The following PHACTR2 variants were observed in gnomAD, a reference collection of about 807,000 sequenced individuals.
The protein encoded by PHACTR2 is chromosome 6 open reading frame 56.
Under a neutral mutation model 76.0 loss-of-function variants are expected in PHACTR2, and 30 were observed. That is an observed-to-expected ratio of 0.39 (90% CI 0.30 to 0.54). The LOEUF (loss-of-function observed/expected upper bound fraction) is 0.54. Among genes scored for constraint, PHACTR2 ranks in the 20% least tolerant of loss-of-function variants. The probability of loss-of-function intolerance (pLI) is 0.61; values close to 1 mark genes in which losing one functional copy is unlikely to be tolerated. For missense variants in PHACTR2, 696 were observed against 781.1 expected (o/e 0.89, Z 1.30); for synonymous variants, 292 against 292.5 (o/e 1.00, Z 0.02).
At chr6:143,797,155 G>C (rs1490604938) in intron 11 of PHACTR2, among the ~76,000 whole-genome samples, 2 of 152,184 alleles carry the variant, frequency 1.3e-5, no homozygotes, top group African/African-American at 4.8e-5. Context: ...TTTCTCTCAT[G>C]ACCAGTGATG....
chr6:143,664,180 C>T lies in PHACTR2; in HGVS notation c.14-47836C>T, dbSNP rs1163604649. Among the ~76,000 whole-genome samples, 1 of 151,770 alleles carries T rather than the reference C, an allele frequency of 6.6e-6. No individual in the cohort carries two copies. On this transcript the variant is annotated intron_variant, in intron 1 of 11. Coordinates refer to the PHACTR2 transcript ENST00000305766. This position sits in a 1 kb window ranked among gnomAD's most constrained non-coding sequence, Gnocchi z 5.1. ...TCCCTCTATACTATTTGTTATTTTA[C>T]CTTCAGTTTTAATTTATCTATTATT...
chr6:143,712,063 G>T lies in PHACTR2; in HGVS notation c.94G>T (p.Ala32Ser). ...TATAGCAAACTCAGATGGCCCCACA[G>T]CAGGTTCCCAAACACCTCCCTTCAA... ...ASIANSDGPTAGSQTPPFKRK... is the reference protein window; with the variant it reads ...ASIANSDGPTSGSQTPPFKRK... Residue 32 changes from alanine to serine, a missense_variant, in exon 2 of 13, where the codon GCA (alanine) becomes TCA (serine). By Grantham distance (99) the Ala-to-Ser change is moderately conservative. Transcript: ENST00000440869. The T allele has an allele frequency of 6.3e-7, 1 of 1,598,546 alleles. No homozygotes were observed. The highest frequency in any genetic ancestry group is 1.7e-4 in the Middle Eastern group (1 of 5,982).
rs1775772576 is a variant in PHACTR2, at chr6:143,597,981, T to C, written c.217+60774T>C. ...ACCTACGGAAGTAGCGGTGGGGGCT[T>C]TGGCTGTTTCTGAGCCTGTTCCTGG... is the stretch of plus-strand genomic sequence containing the variant. On this transcript the variant is annotated intron_variant, in intron 1 of 11. Coordinates refer to the PHACTR2 transcript ENST00000367584. The surrounding 1 kb of genome is among the most constrained non-coding windows in gnomAD (Gnocchi z 5.7). Among the ~76,000 whole-genome samples, 1 of 152,158 alleles carries C rather than the reference T, an allele frequency of 6.6e-6. No homozygotes were observed. The highest frequency in any genetic ancestry group is 1.5e-5 in the Non-Finnish European group (1 of 68,026).
rs1481802441 is a variant in PHACTR2 at position 143,761,615 on chromosome 6, G to T, written c.694+975G>T. Reference sequence around the variant, plus strand: ...CTAAAAATACAAGAATTAGCCAGGCGTCGTGGCGTGCACCTCTAATCCCAG... The same window carrying T: ...CTAAAAATACAAGAATTAGCCAGGCTTCGTGGCGTGCACCTCTAATCCCAG... On this transcript the variant is annotated intron_variant, in intron 5 of 12. Coordinates refer to ENST00000440869, the MANE Select transcript of PHACTR2 (RefSeq NM_001100164.2). The surrounding 1 kb of genome is among the most constrained non-coding windows in gnomAD (Gnocchi z 5.2). 1.3e-5 allele frequency among the ~76,000 whole-genome samples: 2 copies of T among 152,054 alleles called. No homozygotes were observed. The highest frequency in any genetic ancestry group is 6.6e-5 in the Admixed American group (1 of 15,260).
chr6:143,728,394 T>C, intron 2 of PHACTR2, among the ~76,000 whole-genome samples: 1 of 151,704 alleles, frequency 6.6e-6, no homozygotes, highest in African/African-American at 2.4e-5. Context: ...TATATTTTTT[T>C]GTGGAGACAG....
rs919284411 is a variant in PHACTR2, at chr6:143,624,470, T to C, written c.13+16148T>C. On this transcript the variant is annotated intron_variant, in intron 1 of 11. Coordinates refer to the PHACTR2 transcript ENST00000305766. The surrounding 1 kb of genome is among the most constrained non-coding windows in gnomAD (Gnocchi z 4.6). ...GTTACTAATTCATATTCACACAATA[T>C]CACCACAACATGGACATTTCAACTA... Among the ~76,000 whole-genome samples, 1 of 152,222 alleles carries C rather than the reference T, an allele frequency of 6.6e-6. No homozygotes were observed. Among genetic ancestry groups the C allele is most frequent in the African/African-American group, 2.4e-5 (1 of 41,460 alleles).
At chr6:143,769,499 G>A (rs1775040731) in intron 6 of PHACTR2, among the ~76,000 whole-genome samples, 1 of 152,092 alleles carries the variant, frequency 6.6e-6, no homozygotes, top group Admixed American at 6.5e-5. Context: ...GGTAGACCGA[G>A]TCTTCAGTCT....
Position 143,742,956 on chromosome 6 carries a change from A to G in PHACTR2, c.215-6029A>G, listed in dbSNP as rs2128468335. Among the ~76,000 whole-genome samples, 1 of 152,360 alleles carries G rather than the reference A, an allele frequency of 6.6e-6. No homozygotes were observed. The highest frequency in any genetic ancestry group is 2.1e-4 in the South Asian group (1 of 4,834). ...ATTGAATGCTTTCTAGATCCTAGGT[A>G]CTGGTCTCAGTATTTTACTTGGTTT... On this transcript the variant is annotated intron_variant, in intron 2 of 12. Coordinates refer to ENST00000440869, the MANE Select transcript of PHACTR2 (RefSeq NM_001100164.2). The surrounding 1 kb of genome is among the most constrained non-coding windows in gnomAD (Gnocchi z 4.5).
At chr6:143,568,768 T>A (rs1408644798) in intron 1 of PHACTR2, among the ~76,000 whole-genome samples, 2 of 152,232 alleles carry the variant, frequency 1.3e-5, no homozygotes, top group African/African-American at 2.4e-5. Context: ...ACGTCCCTTA[T>A]ACACTGTAGG....
At chr6:143,746,890 C>T (rs1323172205) in intron 2 of PHACTR2, among the ~76,000 whole-genome samples, 1 of 150,712 alleles carries the variant, frequency 6.6e-6, no homozygotes, top group Non-Finnish European at 1.5e-5. Context: ...AAATTACTAA[C>T]CTTTAAGTGA....
In PHACTR2 at chr6:143,652,322, T is replaced by G. The variant is rs191184738; in HGVS notation, c.13+44000T>G. 2.4e-3 allele frequency among the ~76,000 whole-genome samples: 372 copies of G among 152,316 alleles called. 5 individuals are homozygous for G. The highest frequency in any genetic ancestry group is 8.6e-3 in the African/African-American group (357 of 41,560). On this transcript the variant is annotated intron_variant, in intron 1 of 11. Coordinates refer to the PHACTR2 transcript ENST00000305766. The surrounding 1 kb of genome is among the most constrained non-coding windows in gnomAD (Gnocchi z 4.5). ...TAAGTGTACAATCCCCAATAAAATATTTTGAAGTTTTTCCAAAGAAAAGAA... is the reference window on the plus strand; with the variant it reads ...TAAGTGTACAATCCCCAATAAAATAGTTTGAAGTTTTTCCAAAGAAAAGAA...
Position 143,730,677 on chromosome 6 carries a change from G to T in PHACTR2, c.215-18308G>T, listed in dbSNP as rs1778679139. On this transcript the variant is annotated intron_variant, in intron 2 of 12. Transcript: ENST00000440869. The surrounding 1 kb of genome is among the most constrained non-coding windows in gnomAD (Gnocchi z 4.8). The stretch of plus-strand genomic sequence containing the variant: ...AATAGTAAACAGCAGTGTTGAAGGA[G>T]ATATCCATGCTTTGTTCCTATTCTT... Among the ~76,000 whole-genome samples the T allele has an allele frequency of 6.6e-6, 1 of 152,162 alleles. No individual in the cohort carries two copies. The highest frequency in any genetic ancestry group is 2.4e-5 in the African/African-American group (1 of 41,446).
chr6:143,734,536 C>T (rs2128466366), intron 2 of PHACTR2, among the ~76,000 whole-genome samples: 1 of 152,308 alleles, frequency 6.6e-6, no homozygotes, highest in East Asian at 1.9e-4. Flanking sequence ...TGAAAGCATT[C>T]TCAAATGAGA....
Position 143,828,939 on chromosome 6 carries a change from T to G in PHACTR2, c.*5250T>G, listed in dbSNP as rs1205976302. 2.6e-5 allele frequency: 4 copies of G among 152,198 alleles called. No individual in the cohort carries two copies. The highest frequency in any genetic ancestry group is 7.2e-5 in the African/African-American group (3 of 41,454). The allele number at this position is 152,198 out of a possible 1,614,324, so 9.4% of individuals were successfully genotyped here. On this transcript the variant is annotated 3_prime_UTR_variant, in exon 13 of 13. Transcript: ENST00000440869. The surrounding 1 kb of genome is among the most constrained non-coding windows in gnomAD (Gnocchi z 4.7). Reference sequence around the variant, plus strand: ...CCCCTGAATGCCACTGTCTACTGCATTTTGAGGACACAGGGAGAAAAAGTG... The same window carrying G: ...CCCCTGAATGCCACTGTCTACTGCAGTTTGAGGACACAGGGAGAAAAAGTG...
At chr6:143,790,956 C>T (rs971049883) in intron 11 of PHACTR2, among the ~76,000 whole-genome samples, 9 of 152,160 alleles carry the variant, frequency 5.9e-5, no homozygotes, top group Admixed American at 1.3e-4. Flanking sequence ...GGATTACAGG[C>T]GTGAGCCATG....
At position 143,556,882 on chromosome 6, in the gene PHACTR2, C is replaced by T. The variant is rs145037452; in HGVS notation, c.217+19675C>T. Among the ~76,000 whole-genome samples, 1 of 152,174 alleles carries T rather than the reference C, an allele frequency of 6.6e-6. No individual in the cohort carries two copies. The highest frequency in any genetic ancestry group is 1.5e-5 in the Non-Finnish European group (1 of 68,022). ...CTTTTTTAAAAATATGGGCCAGGAA[C>T]TAATAAAAATGATGCACAAAGACGT... On this transcript the variant is annotated intron_variant, in intron 1 of 11. Coordinates refer to the PHACTR2 transcript ENST00000367584. The surrounding 1 kb of genome is among the most constrained non-coding windows in gnomAD (Gnocchi z 4.3).
Position 143,783,054 on chromosome 6 carries a change from A to G in PHACTR2, c.1646-165A>G, listed in dbSNP as rs1033927760. ...GTGTGTGTATGTGTGTGTGTGTGTA[A>G]GATGATCAACCTTCCTACAAAATAT... On this transcript the variant is annotated intron_variant, in intron 9 of 12. Coordinates refer to ENST00000440869, the MANE Select transcript of PHACTR2 (RefSeq NM_001100164.2). This position sits in a 1 kb window ranked among gnomAD's most constrained non-coding sequence, Gnocchi z 5.2. Among the ~76,000 whole-genome samples, 2 of 135,096 alleles carry G rather than the reference A, an allele frequency of 1.5e-5. No homozygotes were observed. The highest frequency in any genetic ancestry group is 2.6e-5 in the African/African-American group (1 of 37,848). 88.6% of individuals were successfully genotyped at this position (135,096 alleles called of 152,430 possible).
Position 143,708,570 on chromosome 6 carries a change from A to G in PHACTR2, c.47-3446A>G, listed in dbSNP as rs1582795214. On this transcript the variant is annotated intron_variant, in intron 1 of 12. Coordinates refer to ENST00000440869, the MANE Select transcript of PHACTR2 (RefSeq NM_001100164.2). This position sits in a 1 kb window ranked among gnomAD's most constrained non-coding sequence, Gnocchi z 5.5. ...ACTTACTGTGAAATAATTTATGGAA[A>G]GTTTCAAATGGATTTTAATGGAAAA... Among the ~76,000 whole-genome samples, 1 of 152,364 alleles carries G rather than the reference A, an allele frequency of 6.6e-6. No individual in the cohort carries two copies. Among genetic ancestry groups the G allele is most frequent in the African/African-American group, 2.4e-5 (1 of 41,582 alleles).
intron 1 of PHACTR2, among the ~76,000 whole-genome samples, chr6:143,630,826 A>ACT (rs1367207565): frequency 6.6e-6 from 1 of 152,250 alleles, no homozygotes; most frequent in East Asian, 1.9e-4. Flanking sequence ...CCTTTGGAGC[A>ACT]GGGAAAGAAC....
Sources: allele counts gnomAD v4.1 joint callset (sites outside exome capture counted in the v4.1 genomes callset), GRCh38; gene constraint gnomAD v4.1.1; non-coding constraint Gnocchi (gnomAD v3.1); transcripts MANE v1.5; gene names NCBI Gene and HGNC (gene_info 2026-07-23, HGNC 2026-07-21).